Variants in PPP1R13B observed in about 807,000 individuals in gnomAD.
The protein encoded by PPP1R13B is apoptosis-stimulating of p53 protein 1.
Under a neutral mutation model 119.8 loss-of-function variants are expected in PPP1R13B, and 44 were observed. The ratio of observed to expected loss-of-function variants is 0.37; its 90% CI spans 0.29 to 0.47. PPP1R13B has a LOEUF of 0.47. PPP1R13B is among the 20% of genes least tolerant of loss of function. The pLI is 0.99. For missense variants in PPP1R13B, 1,227 were observed against 1,413.5 expected, an observed-to-expected ratio of 0.87 and a Z score of 2.12; for synonymous variants, 542 against 561.5, an observed-to-expected ratio of 0.97 and a Z score of 0.49.
chr14:103,775,753 G>A (rs2085173006), intron 4 of PPP1R13B, among the ~76,000 whole-genome samples: 1 of 152,150 alleles, frequency 6.6e-6, no homozygotes, highest in East Asian at 1.9e-4. Context: ...AGTGGTGTGT[G>A]TGCGTCTATT....
chr14:103,781,906 C>T (rs1412629549), intron 3 of PPP1R13B, among the ~76,000 whole-genome samples: 1 of 152,188 alleles, frequency 6.6e-6, no homozygotes, highest in Non-Finnish European at 1.5e-5. Context: ...ACCTCCTTGG[C>T]CTCCCACAGT....
intron 1 of PPP1R13B, among the ~76,000 whole-genome samples, chr14:103,819,328 G>C (rs958543470): frequency 1.3e-5 from 2 of 151,962 alleles, no homozygotes; most frequent in South Asian, 2.1e-4. Context: ...CTGAGGCGGG[G>C]AACAAGCACA....
At chr14:103,803,781 C>T (rs1286601074) in intron 1 of PPP1R13B, among the ~76,000 whole-genome samples, 1 of 152,084 alleles carries the variant, frequency 6.6e-6, no homozygotes, top group East Asian at 1.9e-4. Context: ...CCTACTTATG[C>T]CTTTCCTCAA....
intron 2 of PPP1R13B, among the ~76,000 whole-genome samples, chr14:103,794,975 G>A (rs1001698215): frequency 2.6e-5 from 4 of 151,532 alleles, no homozygotes; most frequent in Non-Finnish European, 4.4e-5. Flanking sequence ...AGACAGTCTC[G>A]CTCTGTCGCC....
At position 103,780,209 on chromosome 14, in the gene PPP1R13B, G is replaced by A. The variant is rs575935796; in HGVS notation, c.278-1388C>T. Among the ~76,000 whole-genome samples, 14 of 151,920 alleles carry A rather than the reference G, an allele frequency of 9.2e-5. No individual in the cohort carries two copies. The East Asian group carries it at 2.7e-3, about 29-fold the overall frequency. ...AAAAGGCATTTGCATTTTAGGGCCAGGCATGGTGGCTCATGCCTGCAATCC... is the reference window on the plus strand; with the variant it reads ...AAAAGGCATTTGCATTTTAGGGCCAAGCATGGTGGCTCATGCCTGCAATCC... On this transcript the variant is annotated intron_variant, in intron 3 of 16. Coordinates refer to ENST00000202556, the MANE Select transcript of PPP1R13B (RefSeq NM_015316.3).
intron 5 of PPP1R13B, among the ~76,000 whole-genome samples, chr14:103,756,639 T>C (rs2151985455): frequency 6.6e-6 from 1 of 152,348 alleles, no homozygotes; most frequent in South Asian, 2.1e-4. Context: ...TTCGTGGCCC[T>C]GATCAGTGTT....
At chr14:103,773,377 A>C (rs2152007557) in intron 4 of PPP1R13B, among the ~76,000 whole-genome samples, 1 of 152,336 alleles carries the variant, frequency 6.6e-6, no homozygotes, top group Non-Finnish European at 1.5e-5. Flanking sequence ...ACAGATGCCA[A>C]TCCTCAGAAT....
intron 7 of PPP1R13B, among the ~76,000 whole-genome samples, chr14:103,752,534 C>CTT (rs35277937): frequency 0.39 from 49,244 of 126,020 alleles, 10,251 homozygotes; most frequent in African/African-American, 0.43. Flanking sequence ...GAATTAGATC[C>CTT]TTTTTTTTTT....
chr14:103,783,177 C>T (rs1212499787), intron 3 of PPP1R13B, among the ~76,000 whole-genome samples: 1 of 151,968 alleles, frequency 6.6e-6, no homozygotes, highest in Non-Finnish European at 1.5e-5. Context: ...ATATGAGCTA[C>T]AAATGCTACT....
At chr14:103,834,905 TAAG>T (rs2152080775) in intron 1 of PPP1R13B, among the ~76,000 whole-genome samples, 1 of 152,184 alleles carries the variant, frequency 6.6e-6, no homozygotes, top group South Asian at 2.1e-4. Context: ...CTTTGATTTC[TAAG>T]AAAAGCAAAC....
intron 4 of PPP1R13B, among the ~76,000 whole-genome samples, chr14:103,777,487 T>TA (rs1019424445): frequency 3.3e-5 from 5 of 152,096 alleles, no homozygotes; most frequent in Non-Finnish European, 5.9e-5. Context: ...ACTCAACTCT[T>TA]AGTCTACAAG....
intron 2 of PPP1R13B, 138 bp downstream of exon 2, chr14:103,797,233 T>C (rs192383739): frequency 6.7e-6 from 5 of 744,168 alleles, no homozygotes; most frequent in Non-Finnish European, 1.0e-5. Context: ...TTCCATTTGA[T>C]AAATACTAAA....
intron 1 of PPP1R13B, among the ~76,000 whole-genome samples, chr14:103,835,039 C>T (rs976420321): frequency 1.3e-5 from 2 of 152,188 alleles, no homozygotes; most frequent in African/African-American, 4.8e-5. Flanking sequence ...CCTTTTCTGA[C>T]TGAATCTTGT....
At chr14:103,785,702 G>A (rs2085447079) in intron 2 of PPP1R13B, among the ~76,000 whole-genome samples, 1 of 150,262 alleles carries the variant, frequency 6.7e-6, no homozygotes, top group Non-Finnish European at 1.5e-5. Flanking sequence ...AGGAGAGACG[G>A]GGTTTTACCA....
chr14:103,835,445 T>A (rs1163329189), intron 1 of PPP1R13B, among the ~76,000 whole-genome samples: 6 of 146,902 alleles, frequency 4.1e-5, no homozygotes, highest in Non-Finnish European at 6.0e-5. Context: ...TTTTTTTTTT[T>A]AAAGAGACCA....
chr14:103,808,239 CA>C (rs59331307), intron 1 of PPP1R13B, among the ~76,000 whole-genome samples: 9,242 of 124,648 alleles, frequency 0.074, 784 homozygotes, highest in African/African-American at 0.22. Flanking sequence ...GACTCTATCT[CA>C]AAAAAAAAAA....
intron 7 of PPP1R13B, 57 bp from the exon 8 acceptor site, chr14:103,749,991 AT>A: frequency 6.4e-7 from 1 of 1,568,712 alleles, no homozygotes; most frequent in Non-Finnish European, 8.7e-7. Flanking sequence ...TCAAATTCTC[AT>A]TGCCAGGGAG....
intron 1 of PPP1R13B, among the ~76,000 whole-genome samples, chr14:103,826,068 G>A (rs931239921): frequency 6.6e-6 from 1 of 151,818 alleles, no homozygotes; most frequent in Non-Finnish European, 1.5e-5. Flanking sequence ...AGTAGAGACA[G>A]GTTTCACCAT....
intron 11 of PPP1R13B, among the ~76,000 whole-genome samples, chr14:103,741,446 CTA>C (rs1028967968): frequency 7.9e-5 from 12 of 152,328 alleles, no homozygotes; most frequent in African/African-American, 2.6e-4. Context: ...AGGCCACCCT[CTA>C]CGCACTGGAC....
Sources: allele counts gnomAD v4.1 joint callset (sites outside exome capture counted in the v4.1 genomes callset), GRCh38; gene constraint gnomAD v4.1.1; transcripts MANE v1.5; gene names NCBI Gene and HGNC (gene_info 2026-07-23, HGNC 2026-07-21).